The following ERP44 variants were observed in gnomAD, a reference collection of about 807,000 sequenced individuals.
The protein encoded by ERP44 is endoplasmic reticulum protein 44, also known as endoplasmic reticulum resident protein 44.
In ERP44, 25 loss-of-function variants were observed where a neutral mutation model predicts 53.4. The observed-to-expected ratio is 0.47, with a 90% confidence interval of 0.34 to 0.65. ERP44 has a LOEUF of 0.65. ERP44 is among the 30% of genes least tolerant of loss of function. The pLI is 0.01. For synonymous variants in ERP44, 145 were observed against 161.2 expected (o/e 0.90, Z 0.76); for missense variants, 338 against 493.2 (o/e 0.69, Z 2.98).
chr9:100,016,492 AT>A, intron 7 of ERP44, 54 bp from the exon 8 acceptor site: 1 of 1,512,774 alleles, frequency 6.6e-7, no homozygotes, highest in Non-Finnish European at 8.8e-7. Flanking sequence ...GCAAAAGTAT[AT>A]TCTTATTTTT....
At position 99,999,065 on chromosome 9, in the gene ERP44, C is replaced by A. The variant is rs982123279; in HGVS notation, c.1016+7441G>T. ...AGGCCCGGGGCAGGAGGCGGATGACCGCCTGCAGGGAGCGCACGGCCGTTC... is the reference window on the plus strand; with the variant it reads ...AGGCCCGGGGCAGGAGGCGGATGACAGCCTGCAGGGAGCGCACGGCCGTTC... On this transcript the variant is annotated intron_variant, in intron 10 of 11. Transcript: ENST00000262455. 33 of 737,658 alleles carry A rather than the reference C, an allele frequency of 4.5e-5. No individual in the cohort carries two copies. The Admixed American group carries it at 6.8e-4, about 15-fold the overall frequency. 45.7% of individuals were successfully genotyped at this position (737,658 alleles called of 1,614,324 possible).
intron 1 of ERP44, among the ~76,000 whole-genome samples, chr9:100,071,093 GTTTTTTT>G (rs34853838): frequency 8.4e-6 from 1 of 119,584 alleles, no homozygotes; most frequent in Admixed American, 9.8e-5. Flanking sequence ...ATTATATAAG[GTTTTTTT>G]TTTTTTTTTT....
At chr9:100,095,122 T>G (rs188567902) in intron 1 of ERP44, among the ~76,000 whole-genome samples, 1 of 152,174 alleles carries the variant, frequency 6.6e-6, no homozygotes, top group East Asian at 1.9e-4. Flanking sequence ...AGGTAAATTT[T>G]TAAAAACTAA....
intron 10 of ERP44, among the ~76,000 whole-genome samples, chr9:99,997,461 ATTAACAT>A (rs1158553332): frequency 2.0e-5 from 3 of 152,238 alleles, no homozygotes; most frequent in African/African-American, 7.2e-5. Context: ...CCAAAAATAC[ATTAACAT>A]TTAACAATTT....
intron 4 of ERP44, among the ~76,000 whole-genome samples, chr9:100,038,088 G>C (rs1180905081): frequency 6.6e-6 from 1 of 152,206 alleles, no homozygotes; most frequent in East Asian, 1.9e-4. Context: ...AACATCAGAT[G>C]TGTCCTACAA....
Position 99,981,827 on chromosome 9 carries a change from G to A in ERP44, c.*785C>T, listed in dbSNP as rs1408805299. On this transcript the variant is annotated 3_prime_UTR_variant, in exon 12 of 12. Coordinates refer to ENST00000262455, the MANE Select transcript of ERP44 (RefSeq NM_015051.3). ...TTTGGAAATTGAAGTCTCATAATAG[G>A]AGGAGCCTTAAAAGTCATCTAGTTC... 6.6e-6 allele frequency: 1 copy of A among 152,150 alleles called. No individual in the cohort carries two copies. Among genetic ancestry groups the A allele is most frequent in the South Asian group, 2.1e-4 (1 of 4,828 alleles). The allele number at this position is 152,150 out of a possible 1,614,324, so 9.4% of individuals were successfully genotyped here.
chr9:99,987,360 A>G (rs1830205340), intron 10 of ERP44, among the ~76,000 whole-genome samples: 1 of 152,224 alleles, frequency 6.6e-6, no homozygotes, highest in South Asian at 2.1e-4. Context: ...AAAATTATAT[A>G]TATCACGCTT....
intron 4 of ERP44, among the ~76,000 whole-genome samples, chr9:100,032,252 C>T (rs1240852688): frequency 6.6e-6 from 1 of 152,108 alleles, no homozygotes; most frequent in African/African-American, 2.4e-5. Flanking sequence ...CAGGGCTCCA[C>T]CCTGAAGCCA....
At chr9:100,088,398 G>T (rs1455043477) in intron 1 of ERP44, among the ~76,000 whole-genome samples, 1 of 152,126 alleles carries the variant, frequency 6.6e-6, no homozygotes, top group African/African-American at 2.4e-5. Flanking sequence ...GGCCCTGCCT[G>T]GAAGGCTCTT....
At chr9:100,037,379 G>GC (rs1564095038) in intron 4 of ERP44, among the ~76,000 whole-genome samples, 2 of 152,034 alleles carry the variant, frequency 1.3e-5, no homozygotes, top group Non-Finnish European at 2.9e-5. Context: ...AGTGCTCTGG[G>GC]CCCCTAAATA....
intron 10 of ERP44, among the ~76,000 whole-genome samples, chr9:100,003,412 G>A (rs1391258256): frequency 2.0e-5 from 3 of 152,202 alleles, no homozygotes; most frequent in Non-Finnish European, 2.9e-5. Context: ...ATTTGAAGAT[G>A]TAGAGACTTA....
rs576967153 is a variant in ERP44, at chr9:100,051,212, G to A, written c.286+1205C>T. Among the ~76,000 whole-genome samples the A allele has an allele frequency of 3.9e-5, 6 of 152,240 alleles. No homozygotes were observed. The South Asian group carries it at 6.2e-4, about 16-fold the overall frequency. On this transcript the variant is annotated intron_variant, in intron 4 of 11. Coordinates refer to ENST00000262455, the MANE Select transcript of ERP44 (RefSeq NM_015051.3). ...ATTGGAAAATGCCTTGCTGCCTAGC[G>A]CAAAGCTATACCAATAACTCCCCAA...
intron 10 of ERP44, among the ~76,000 whole-genome samples, chr9:100,003,082 A>G (rs937079168): frequency 7.9e-5 from 12 of 151,954 alleles, no homozygotes; most frequent in African/African-American, 2.9e-4. Flanking sequence ...TGGTGATGCT[A>G]TTACATTTTC....
rs997257214 is a variant in ERP44, at chr9:100,059,966, C to A, written c.130+134G>T. 6.8e-6 allele frequency: 5 copies of A among 737,704 alleles called. No individual in the cohort carries two copies. In the African/African-American group the frequency reaches 9.2e-5, roughly 14 times the overall value. The allele number at this position is 737,704 out of a possible 1,614,324, so 45.7% of individuals were successfully genotyped here. On this transcript the variant is annotated intron_variant, in intron 2 of 11. Coordinates refer to ENST00000262455, the MANE Select transcript of ERP44 (RefSeq NM_015051.3). ...AAAGTGCTTTGATAATTCAGAAAGT[C>A]ATGGAATTAATCAGAATGCCAGCTC...
At chr9:100,063,528 A>G (rs1826178692) in intron 1 of ERP44, among the ~76,000 whole-genome samples, 1 of 152,208 alleles carries the variant, frequency 6.6e-6, no homozygotes, top group Non-Finnish European at 1.5e-5. Context: ...GTCAAATGCT[A>G]TAGTGCTTAA....
chr9:100,043,814 C>T (rs1187662797), intron 4 of ERP44, among the ~76,000 whole-genome samples: 4 of 151,764 alleles, frequency 2.6e-5, no homozygotes, highest in Non-Finnish European at 5.9e-5. Flanking sequence ...TATGTATCTA[C>T]AAAAGTTAGA....
chr9:100,088,345 A>G (rs1826510004), intron 1 of ERP44, among the ~76,000 whole-genome samples: 1 of 152,174 alleles, frequency 6.6e-6, no homozygotes, highest in Non-Finnish European at 1.5e-5. Flanking sequence ...TTTCTTGAAT[A>G]TGCCTGGGAC....
chr9:100,068,803 A>C (rs1826266185), intron 1 of ERP44, among the ~76,000 whole-genome samples: 2 of 152,182 alleles, frequency 1.3e-5, no homozygotes, highest in South Asian at 4.1e-4. Flanking sequence ...CCAACAGCTC[A>C]CTGAGAACGG....
intron 10 of ERP44, among the ~76,000 whole-genome samples, chr9:99,987,484 T>G (rs1830207315): frequency 6.6e-6 from 1 of 152,264 alleles, no homozygotes; most frequent in African/African-American, 2.4e-5. Context: ...CATAGTGAAA[T>G]GCACAAATGT....
Sources: allele counts gnomAD v4.1 joint callset (sites outside exome capture counted in the v4.1 genomes callset), GRCh38; gene constraint gnomAD v4.1.1; transcripts MANE v1.5; gene names NCBI Gene and HGNC (gene_info 2026-07-23, HGNC 2026-07-21).